Variants in ANKS3 observed in about 807,000 individuals in gnomAD.
ANKS3 encodes the protein ankyrin repeat and SAM domain-containing protein 3.
Under a neutral mutation model 80.7 loss-of-function variants are expected in ANKS3, and 62 were observed. The observed-to-expected ratio is 0.77, with a 90% CI of 0.63 to 0.95. The LOEUF is 0.95. Ranked by LOEUF, ANKS3 falls within the 40% of genes least tolerant of loss-of-function variation. The pLI, the probability that ANKS3 is intolerant of heterozygous loss-of-function variation, is 0.00. For synonymous variants in ANKS3, 489 were observed against 355.3 expected, an observed-to-expected ratio of 1.38 and a Z score of -4.23; for missense variants, 1,150 against 883.6, an observed-to-expected ratio of 1.30 and a Z score of -3.82.
intron 14 of ANKS3, 80 bp from the exon 15 acceptor site, chr16:4,698,142 G>C (rs982830687): frequency 2.1e-5 from 31 of 1,455,972 alleles, no homozygotes; most frequent in African/African-American, 2.8e-5. Context: ...TTCTAGGGGA[G>C]GGAGGGGCTC....
chr16:4,703,245 T>C (rs533707143), intron 8 of ANKS3, among the ~76,000 whole-genome samples: 2 of 152,168 alleles, frequency 1.3e-5, no homozygotes, highest in Non-Finnish European at 2.9e-5. Context: ...CTCATGTAAC[T>C]GGGGCTACAG....
At chr16:4,731,873 G>A (rs859322) in intron 1 of ANKS3, among the ~76,000 whole-genome samples, 70,157 of 151,914 alleles carry the variant, frequency 0.46, 18,698 homozygotes, top group East Asian at 0.65. Context: ...ATCAAGGCAA[G>A]GTCATCAGCT....
chr16:4,706,750 T>C (rs1387329749), intron 7 of ANKS3, among the ~76,000 whole-genome samples: 1 of 152,196 alleles, frequency 6.6e-6, no homozygotes, highest in African/African-American at 2.4e-5. Flanking sequence ...GAGATCTCCT[T>C]GTGGAGTGGG....
chr16:4,709,834 G>GACCCCGTCTCTACAAAAAAATAAAAC (rs1266394098), intron 7 of ANKS3, among the ~76,000 whole-genome samples: 8 of 152,028 alleles, frequency 5.3e-5, no homozygotes. Context: ...AGTATAGCAA[G>GACCCCGTCTCTACAAAAAAATAAAAC]ACCCCGTCTC....
intron 7 of ANKS3, among the ~76,000 whole-genome samples, chr16:4,705,926 CT>C (rs58092936): frequency 2.5e-3 from 371 of 149,392 alleles, no homozygotes; most frequent in African/African-American, 8.3e-3. Context: ...TTGGAAACAA[CT>C]TTTTTTTTTT....
At chr16:4,723,497 A>G (rs2081205602) in intron 6 of ANKS3, among the ~76,000 whole-genome samples, 2 of 152,150 alleles carry the variant, frequency 1.3e-5, no homozygotes, top group South Asian at 4.1e-4. Context: ...ATCATAGCTC[A>G]CTGCAACCTC....
chr16:4,696,960 C>T lies in ANKS3; in HGVS notation c.*11+57G>A, dbSNP rs185650474. On this transcript the variant is annotated intron_variant, in intron 17 of 17. Coordinates refer to ENST00000304283, the MANE Select transcript of ANKS3 (RefSeq NM_133450.4). Reference sequence around the variant, plus strand: ...GTGGGTGCATACCCACACCTGCAGCCGCCCAGACAGGCCCTGCTGCTCCCA... The same window carrying T: ...GTGGGTGCATACCCACACCTGCAGCTGCCCAGACAGGCCCTGCTGCTCCCA... The T allele has an allele frequency of 4.6e-5, 71 of 1,551,044 alleles. No individual in the cohort carries two copies. The East Asian group carries it at 1.0e-3, about 22-fold the overall frequency.
chr16:4,706,442 G>A (rs4786537), intron 7 of ANKS3, among the ~76,000 whole-genome samples: 50,830 of 151,840 alleles, frequency 0.33, 9,450 homozygotes, highest in Middle Eastern at 0.48. Context: ...TCACCATGTT[G>A]GCCAGGCTGG....
rs560707397 is a variant in ANKS3, at chr16:4,701,049, G to T, written c.1205C>A (p.Pro402His). The T allele has an allele frequency of 6.2e-7, 1 of 1,614,108 alleles. No individual in the cohort carries two copies. Among genetic ancestry groups the T allele is most frequent in the East Asian group, 2.2e-5 (1 of 44,876 alleles). ...GCCTTCCCTGTCAGTTGCAGCGCGG[G>T]GAGGCCACTGGCTGTCAGGATTCTT... ...KTKNPDSQWPPRAATDREGFL... is the reference protein window; with the variant it reads ...KTKNPDSQWPHRAATDREGFL... Residue 402 changes from proline (P) to histidine (H), a missense_variant, in exon 11 of 18, where the codon CCC (proline) becomes CAC (histidine). Transcript: ENST00000304283.
chr16:4,701,759 G>A (rs949638612), intron 9 of ANKS3: 15 of 529,032 alleles, frequency 2.8e-5, no homozygotes, highest in South Asian at 1.4e-4. Flanking sequence ...CCAAGCACCC[G>A]GAGCAGTGCT....
Position 4,697,036 on chromosome 16 carries a change from C to G in ANKS3, c.1963G>C (p.Glu655Gln). ...ACTCACCGGCCCGCAGGCTAGGTCT[C>G]CCGCCACTTCTTCCCGTTCAGCACC... is the stretch of plus-strand genomic sequence containing the variant. ...LQVLNGKKWR[E>Q]T Residue 655 changes from glutamate to glutamine, a missense_variant, in exon 17 of 18, where the codon GAG becomes CAG. By Grantham distance (29) the Glu-to-Gln change is conservative. Coordinates refer to ENST00000304283, the MANE Select transcript of ANKS3 (RefSeq NM_133450.4). 4 of 1,613,442 alleles carry G rather than the reference C, an allele frequency of 2.5e-6. No homozygotes were observed. The highest frequency in any genetic ancestry group is 3.4e-6 in the Non-Finnish European group (4 of 1,179,892).
intron 7 of ANKS3, among the ~76,000 whole-genome samples, chr16:4,712,072 T>C (rs1455144979): frequency 4.6e-5 from 7 of 151,996 alleles, no homozygotes; most frequent in Non-Finnish European, 8.8e-5. Flanking sequence ...AGAACAAAAA[T>C]AGAAAAGTAT....
rs150707201 is a variant in ANKS3, at chr16:4,721,671, C to G, written c.573+3079G>C. 8.3e-4 allele frequency among the ~76,000 whole-genome samples: 125 copies of G among 150,544 alleles called. 5 individuals carry two copies. Among genetic ancestry groups the G allele is most frequent in the Non-Finnish European group, 1.5e-3 (100 of 67,506 alleles). On this transcript the variant is annotated intron_variant, in intron 6 of 17. Coordinates refer to ENST00000304283, the MANE Select transcript of ANKS3 (RefSeq NM_133450.4). ...ATTTATTTATTTAGAGATAGTCTCA[C>G]TCTGTCACCCAGGCTGGAGTGCAGT...
chr16:4,731,293 T>G (rs1469027045), intron 2 of ANKS3, among the ~76,000 whole-genome samples: 1 of 152,198 alleles, frequency 6.6e-6, no homozygotes, highest in African/African-American at 2.4e-5. Context: ...ATTTTATTTA[T>G]TTTTTTGAGA....
At position 4,696,664 on chromosome 16, in the gene ANKS3, A is replaced by ACT. The variant is rs1374129937; in HGVS notation, c.*242_*243dup. The ACT allele has an allele frequency of 2.9e-6, 1 of 340,990 alleles. No individual in the cohort carries two copies. Among genetic ancestry groups the ACT allele is most frequent in the African/African-American group, 2.1e-5 (1 of 46,984 alleles). 21.1% of individuals were successfully genotyped at this position (340,990 alleles called of 1,614,324 possible). A position where few individuals can be genotyped will look rare whatever the true frequency, so the allele number is the denominator to read the frequency against. ...TGGTATGGGCCAGGGCAGCCCATGAACTCTGGGCCTCACCACGAGGTTCTG... is the reference window on the plus strand; with the variant it reads ...TGGTATGGGCCAGGGCAGCCCATGAACTCTCTGGGCCTCACCACGAGGTTCTG... On this transcript the variant is annotated 3_prime_UTR_variant, in exon 18 of 18. Transcript: ENST00000304283.
intron 7 of ANKS3, 148 bp downstream of exon 7, chr16:4,713,903 C>T (rs1232184745): frequency 2.0e-5 from 23 of 1,153,962 alleles, no homozygotes; most frequent in Non-Finnish European, 3.6e-6. Flanking sequence ...GGGGCCTCAA[C>T]CTTGACATGT....
chr16:4,713,989 G>C lies in ANKS3; in HGVS notation c.709+62C>G, dbSNP rs73504478. The C allele has an allele frequency of 1.1e-3, 1,689 of 1,581,862 alleles. 15 individuals carry two copies. In the African/African-American group the frequency reaches 0.021, roughly 20 times the overall value. On this transcript the variant is annotated intron_variant, in intron 7 of 17. Coordinates refer to ENST00000304283, the MANE Select transcript of ANKS3 (RefSeq NM_133450.4). Reference sequence around the variant, plus strand: ...AAGCGGGGGACATCTTTCTCTGCCAGGTCACCTAAAGCTCAAGGCAACCAG... The same window carrying C: ...AAGCGGGGGACATCTTTCTCTGCCACGTCACCTAAAGCTCAAGGCAACCAG...
At chr16:4,713,140 G>A (rs976152087) in intron 7 of ANKS3, among the ~76,000 whole-genome samples, 1 of 152,030 alleles carries the variant, frequency 6.6e-6, no homozygotes, top group Non-Finnish European at 1.5e-5. Context: ...GCATGGTGGT[G>A]CACGCCTGTA....
intron 5 of ANKS3, among the ~76,000 whole-genome samples, chr16:4,726,019 A>C (rs2081331123): frequency 6.8e-6 from 1 of 146,904 alleles, no homozygotes; most frequent in African/African-American, 2.5e-5. Context: ...TCTGTCACCC[A>C]GGCTGGAGTG....
Sources: allele counts gnomAD v4.1 joint callset (sites outside exome capture counted in the v4.1 genomes callset), GRCh38; gene constraint gnomAD v4.1.1; transcripts MANE v1.5; gene names NCBI Gene and HGNC (gene_info 2026-07-23, HGNC 2026-07-21).